Variants in FILIP1L observed in about 807,000 individuals in gnomAD.
The protein encoded by FILIP1L is filamin A-interacting protein 1-like.
Under a neutral mutation model 96.6 loss-of-function variants are expected in FILIP1L, and 55 were observed. The observed-to-expected ratio is 0.57, with a 90% CI of 0.46 to 0.71. The LOEUF (loss-of-function observed/expected upper bound fraction) is 0.71, where lower values mean the gene tolerates loss of function less well. Ranked by LOEUF, FILIP1L falls within the 30% of genes least tolerant of loss-of-function variation. The probability of loss-of-function intolerance (pLI) is 0.00; values close to 1 mark genes in which losing one functional copy is unlikely to be tolerated. For missense variants in FILIP1L, 1,304 were observed against 1,321.2 expected, an observed-to-expected ratio of 0.99 and a Z score of 0.20; for synonymous variants, 467 against 473.9, an observed-to-expected ratio of 0.99 and a Z score of 0.19.
intron 4 of FILIP1L, among the ~76,000 whole-genome samples, chr3:99,870,164 G>A (rs1944719777): frequency 6.6e-6 from 1 of 152,178 alleles, no homozygotes. Context: ...TACTTGGGGT[G>A]GATGACATTG....
chr3:100,040,088 A>G (rs1208999004), intron 1 of FILIP1L: 1 of 152,038 alleles, frequency 6.6e-6, no homozygotes, highest in Admixed American at 6.6e-5. Context: ...ATCTACCTGC[A>G]TTTTATAATT....
chr3:99,850,272 C>T lies in FILIP1L; in HGVS notation c.1404G>A (p.Arg468=). The change falls in exon 5 of 6, where the codon AGG becomes AGA. Residue 468 remains arginine, a synonymous_variant. Coordinates refer to ENST00000477258, the MANE Select transcript of FILIP1L (RefSeq NM_001387850.1). ...LSQELESLKV[R]IKELEAIESR... ...TTTCAATGGCTTCTAGCTCTTTGAT[C>T]CTTACTTTTAAACTCTCCAGTTCTT... 6.2e-7 allele frequency: 1 copy of T among 1,613,850 alleles called. No homozygotes were observed. Among genetic ancestry groups the T allele is most frequent in the Non-Finnish European group, 8.5e-7 (1 of 1,179,976 alleles).
At chr3:99,976,455 A>G (rs1002548549) in intron 1 of FILIP1L, among the ~76,000 whole-genome samples, 7 of 152,184 alleles carry the variant, frequency 4.6e-5, no homozygotes, top group Non-Finnish European at 1.0e-4. Flanking sequence ...CCCCAAGAGA[A>G]TTGCAGCCAA....
intron 4 of FILIP1L, among the ~76,000 whole-genome samples, chr3:99,863,678 T>C (rs955449220): frequency 3.3e-5 from 5 of 152,242 alleles, no homozygotes; most frequent in African/African-American, 1.2e-4. Context: ...TAGATTAAAT[T>C]AGTATTCCTA....
chr3:100,000,093 T>C (rs544183788), intron 1 of FILIP1L, among the ~76,000 whole-genome samples: 1 of 152,322 alleles, frequency 6.6e-6, no homozygotes, highest in South Asian at 2.1e-4. Flanking sequence ...GATTCTAATA[T>C]ATAATCAGGA....
chr3:99,881,425 C>T (rs1400195458), intron 4 of FILIP1L, among the ~76,000 whole-genome samples: 1 of 152,100 alleles, frequency 6.6e-6, no homozygotes, highest in East Asian at 1.9e-4. Flanking sequence ...ACGGAAAAGA[C>T]CTATTAGGTC....
chr3:100,077,746 C>T (rs900073702), intron 1 of FILIP1L, among the ~76,000 whole-genome samples: 71 of 152,008 alleles, frequency 4.7e-4, no homozygotes, highest in African/African-American at 1.5e-3. Flanking sequence ...CCTGTCTCTA[C>T]AAGAAATAAA....
chr3:99,876,235 G>T (rs1410604622), intron 4 of FILIP1L: 1 of 984,898 alleles, frequency 1.0e-6, no homozygotes, highest in African/African-American at 1.7e-5. Context: ...CTTATAAGGC[G>T]CTCCGCGTGT....
chr3:99,962,990 A>G (rs191191685), intron 1 of FILIP1L, among the ~76,000 whole-genome samples: 2 of 152,296 alleles, frequency 1.3e-5, no homozygotes, highest in East Asian at 3.9e-4. Flanking sequence ...CATGGAAGAG[A>G]TTGCTCTCTT....
At chr3:99,878,466 G>A (rs1013405446) in intron 4 of FILIP1L, among the ~76,000 whole-genome samples, 1 of 152,192 alleles carries the variant, frequency 6.6e-6, no homozygotes, top group Non-Finnish European at 1.5e-5. Context: ...TACATATATA[G>A]TCTTACATAT....
intron 1 of FILIP1L, among the ~76,000 whole-genome samples, chr3:100,011,481 G>A (rs1710155512): frequency 6.6e-6 from 1 of 152,078 alleles, no homozygotes; most frequent in Non-Finnish European, 1.5e-5. Context: ...AATGGAGTTG[G>A]ACTCCATTTT....
intron 1 of FILIP1L, among the ~76,000 whole-genome samples, chr3:100,037,226 C>G (rs569126170): frequency 1.3e-5 from 2 of 152,180 alleles, no homozygotes; most frequent in African/African-American, 4.8e-5. Flanking sequence ...TAGGAAAATA[C>G]ATTGTAATAT....
At position 99,910,785 on chromosome 3, in the gene FILIP1L, A is replaced by ATCAT. The variant is rs1706763007; in HGVS notation, c.605+13444_605+13445insATGA. ...AAGAAAGTAGATAACTAGAATATTTATGCCCATTTTATAGATGGAAGCATC... is the reference window on the plus strand; with the variant it reads ...AAGAAAGTAGATAACTAGAATATTTATCATTGCCCATTTTATAGATGGAAGCATC... On this transcript the variant is annotated intron_variant, in intron 4 of 5. Coordinates refer to ENST00000477258, the MANE Select transcript of FILIP1L (RefSeq NM_001387850.1). Among the ~76,000 whole-genome samples the ATCAT allele has an allele frequency of 2.4e-5, 2 of 83,518 alleles. 1 individual carries two copies. The highest frequency in any genetic ancestry group is 6.5e-5 in the Non-Finnish European group (2 of 30,936). 54.8% of individuals were successfully genotyped at this position (83,518 alleles called of 152,430 possible). A position where few individuals can be genotyped will look rare whatever the true frequency, so the allele number is the denominator to read the frequency against.
intron 1 of FILIP1L, among the ~76,000 whole-genome samples, chr3:100,049,140 TC>T (rs2065327558): frequency 6.6e-6 from 1 of 152,268 alleles, no homozygotes; most frequent in African/African-American, 2.4e-5. Flanking sequence ...CCTTGTTTTT[TC>T]TTTTACCTTC....
chr3:99,999,618 G>C (rs1362575783), intron 1 of FILIP1L, among the ~76,000 whole-genome samples: 1 of 152,164 alleles, frequency 6.6e-6, no homozygotes, highest in Non-Finnish European at 1.5e-5. Context: ...GAGGATCTCG[G>C]GATATAGGCT....
At chr3:99,874,570 A>G (rs1295243479) in intron 4 of FILIP1L, 1 of 152,220 alleles carries the variant, frequency 6.6e-6, no homozygotes, top group South Asian at 2.1e-4. Flanking sequence ...AGGCCAAATA[A>G]CATATAATTT....
chr3:100,018,813 G>T (rs1180501923), intron 1 of FILIP1L, among the ~76,000 whole-genome samples: 1 of 150,476 alleles, frequency 6.6e-6, no homozygotes, highest in Non-Finnish European at 1.5e-5. Flanking sequence ...CATGTATCAG[G>T]TAAGGGGTTA....
intron 1 of FILIP1L, among the ~76,000 whole-genome samples, chr3:100,095,924 GA>G (rs1329165893): frequency 1.3e-5 from 2 of 151,758 alleles, no homozygotes; most frequent in South Asian, 2.1e-4. Flanking sequence ...AACTACATAA[GA>G]AAAAAATGAA....
chr3:100,095,953 T>C (rs180885075), intron 1 of FILIP1L, among the ~76,000 whole-genome samples: 5 of 152,162 alleles, frequency 3.3e-5, no homozygotes, highest in African/African-American at 4.8e-5. Flanking sequence ...ATTTAAAAAA[T>C]AGGCATAAGA....
Sources: allele counts gnomAD v4.1 joint callset (sites outside exome capture counted in the v4.1 genomes callset), GRCh38; gene constraint gnomAD v4.1.1; transcripts MANE v1.5; gene names NCBI Gene and HGNC (gene_info 2026-07-23, HGNC 2026-07-21).